SHISA9: variants seen among roughly 807,000 people sequenced by gnomAD.
SHISA9 encodes the protein protein shisa-9.
A neutral mutation model predicts 38.0 loss-of-function variants in SHISA9; 13 were observed. That is an observed-to-expected ratio of 0.34 (90% CI 0.22 to 0.54). The LOEUF (loss-of-function observed/expected upper bound fraction) is 0.54, where lower values mean the gene tolerates loss of function less well. Among genes scored for constraint, SHISA9 ranks in the 20% least tolerant of loss-of-function variants. The pLI, the probability that SHISA9 is intolerant of heterozygous loss-of-function variation, is 0.91. For missense variants in SHISA9, 538 were observed against 575.8 expected, an observed-to-expected ratio of 0.93 and a Z score of 0.67; for synonymous variants, 275 against 242.0, an observed-to-expected ratio of 1.14 and a Z score of -1.27.
At chr16:13,483,552 T>A in the SHISA9 span, among the ~76,000 whole-genome samples, 2 of 152,104 alleles carry the variant, frequency 1.3e-5, no homozygotes. Context: ...CTTTTTCCAG[T>A]CTTTTATTAG....
At chr16:12,965,928 CA>C (rs1012158521) in intron 2 of SHISA9, among the ~76,000 whole-genome samples, 20 of 152,168 alleles carry the variant, frequency 1.3e-4, no homozygotes, top group African/African-American at 4.8e-4. Context: ...AATAGAAGAA[CA>C]GGGGACATTT....
At chr16:13,090,383 T>C (rs1402416002) in intron 2 of SHISA9, among the ~76,000 whole-genome samples, 1 of 152,224 alleles carries the variant, frequency 6.6e-6, no homozygotes, top group Admixed American at 6.5e-5. Flanking sequence ...CACTGATCTG[T>C]CTAATATTGA....
chr16:13,256,270 A>ATT, the SHISA9 span, among the ~76,000 whole-genome samples: 1 of 151,536 alleles, frequency 6.6e-6, no homozygotes, highest in Non-Finnish European at 1.5e-5. Flanking sequence ...AGCATATTGT[A>ATT]TATGTGTATG....
At chr16:13,452,962 G>A in the SHISA9 span, among the ~76,000 whole-genome samples, 3 of 151,824 alleles carry the variant, frequency 2.0e-5, no homozygotes, top group Admixed American at 2.0e-4. Flanking sequence ...AGGCTGGAGT[G>A]CAGTGGCGCA....
chr16:13,259,304 T>G, the SHISA9 span, among the ~76,000 whole-genome samples: 6 of 152,298 alleles, frequency 3.9e-5, no homozygotes, highest in South Asian at 1.2e-3. Flanking sequence ...TTGGGCAGCT[T>G]TGCCCCTGTG....
At chr16:13,356,072 A>G in the SHISA9 span, among the ~76,000 whole-genome samples, 15 of 152,338 alleles carry the variant, frequency 9.8e-5, no homozygotes, top group African/African-American at 3.6e-4. Context: ...ACACCTGGCC[A>G]CTGCGGTTCA....
At chr16:13,290,947 G>A in the SHISA9 span, among the ~76,000 whole-genome samples, 8 of 152,230 alleles carry the variant, frequency 5.3e-5, no homozygotes, top group Non-Finnish European at 7.4e-5. Context: ...CTTTCCCATT[G>A]TATCATAGAG....
chr16:13,338,832 G>A, the SHISA9 span, among the ~76,000 whole-genome samples: 1 of 152,160 alleles, frequency 6.6e-6, no homozygotes, highest in Non-Finnish European at 1.5e-5. Flanking sequence ...TCACGATAAT[G>A]GAAGAACAAA....
At chr16:12,917,921 A>C (rs1178185477) in intron 2 of SHISA9, among the ~76,000 whole-genome samples, 1 of 152,202 alleles carries the variant, frequency 6.6e-6, no homozygotes, top group East Asian at 1.9e-4. Context: ...GGGTAGAGGA[A>C]GAAGCCTGTG....
chr16:13,383,795 G>A, the SHISA9 span, among the ~76,000 whole-genome samples: 2,049 of 152,132 alleles, frequency 0.013, 40 homozygotes, highest in African/African-American at 0.045. Context: ...GACCATAGGC[G>A]CGAGCCACTA....
chr16:13,289,138 G>A, the SHISA9 span, among the ~76,000 whole-genome samples: 84 of 152,256 alleles, frequency 5.5e-4, no homozygotes, highest in South Asian at 1.0e-3. Flanking sequence ...TGGAATGTCC[G>A]CAAAGGAATT....
At chr16:13,373,664 A>G in the SHISA9 span, among the ~76,000 whole-genome samples, 1 of 151,802 alleles carries the variant, frequency 6.6e-6, no homozygotes, top group Non-Finnish European at 1.5e-5. Flanking sequence ...CAGGAGACTG[A>G]CACAGGAGAA....
chr16:13,421,941 G>A, the SHISA9 span, among the ~76,000 whole-genome samples: 1 of 152,216 alleles, frequency 6.6e-6, no homozygotes, highest in African/African-American at 2.4e-5. Flanking sequence ...GACGAGCACA[G>A]GAAATGCCCA....
intron 2 of SHISA9, among the ~76,000 whole-genome samples, chr16:13,090,369 G>C (rs1367744787): frequency 6.6e-6 from 1 of 152,148 alleles, no homozygotes; most frequent in East Asian, 1.9e-4. Context: ...TTAACCTTCT[G>C]TCTCACTGAT....
intron 2 of SHISA9, among the ~76,000 whole-genome samples, chr16:13,007,831 A>G (rs554347103): frequency 1.3e-5 from 2 of 152,204 alleles, no homozygotes; most frequent in East Asian, 1.9e-4. Flanking sequence ...GTGCCCTGTC[A>G]TCTTTCTCTC....
At position 13,235,590 on chromosome 16, in the gene SHISA9, G is replaced by T. The variant is rs2051375649; in HGVS notation, c.*181G>T. Reference sequence around the variant, plus strand: ...GCTTTTCCTAGGTCATGCCTGTAACGTGTCGGCGGGCAGCTGAGAAAGACC... The same window carrying T: ...GCTTTTCCTAGGTCATGCCTGTAACTTGTCGGCGGGCAGCTGAGAAAGACC... On this transcript the variant is annotated 3_prime_UTR_variant, in exon 5 of 5. Transcript: ENST00000558583. 4.0e-6 allele frequency: 3 copies of T among 745,214 alleles called. No individual in the cohort carries two copies. The highest frequency in any genetic ancestry group is 4.4e-5 in the South Asian group (2 of 45,516). 46.2% of individuals were successfully genotyped at this position (745,214 alleles called of 1,614,324 possible). A position where few individuals can be genotyped will look rare whatever the true frequency, so the allele number is the denominator to read the frequency against.
At chr16:13,367,820 C>G in the SHISA9 span, among the ~76,000 whole-genome samples, 1 of 151,850 alleles carries the variant, frequency 6.6e-6, no homozygotes, top group African/African-American at 2.4e-5. Context: ...CCACAGTCTT[C>G]CAGGTCATTA....
In SHISA9 at chr16:13,239,806, T is replaced by A. The variant is rs956471777; in HGVS notation, c.*4397T>A. 5 of 152,156 alleles carry A rather than the reference T, an allele frequency of 3.3e-5. No individual in the cohort carries two copies. Among genetic ancestry groups the A allele is most frequent in the Admixed American group, 6.5e-5 (1 of 15,274 alleles). The allele number at this position is 152,156 out of a possible 1,614,324, so 9.4% of individuals were successfully genotyped here. A position where few individuals can be genotyped will look rare whatever the true frequency, so the allele number is the denominator to read the frequency against. Reference sequence around the variant, plus strand: ...GGTTGCCTGTTCACTCTGATGGTAGTTTCTTTTGCTGTGCAGAAGCTCTTT... The same window carrying A: ...GGTTGCCTGTTCACTCTGATGGTAGATTCTTTTGCTGTGCAGAAGCTCTTT... On this transcript the variant is annotated 3_prime_UTR_variant, in exon 5 of 5. Coordinates refer to ENST00000558583, the MANE Select transcript of SHISA9 (RefSeq NM_001145204.3).
At chr16:13,004,453 T>C (rs186677559) in intron 2 of SHISA9, among the ~76,000 whole-genome samples, 22 of 152,308 alleles carry the variant, frequency 1.4e-4, no homozygotes, top group Non-Finnish European at 2.1e-4. Flanking sequence ...GGAGTTTTGA[T>C]TTTATTCTAA....
Sources: gnomAD v4.1 joint callset for allele counts (sites outside exome capture counted in the v4.1 genomes callset) on GRCh38, gnomAD v4.1.1 for gene constraint, MANE v1.5 for transcripts, NCBI Gene and HGNC (gene_info 2026-07-23, HGNC 2026-07-21) for gene names.